NRXN2: variants seen among roughly 807,000 people sequenced by gnomAD.
NRXN2 encodes the protein neurexin 2.
In NRXN2, 29 loss-of-function variants were observed where a neutral mutation model predicts 128.8. The observed-to-expected ratio is 0.23, with a 90% CI of 0.17 to 0.31. The LOEUF is 0.31. Among genes scored for constraint, NRXN2 ranks in the 10% least tolerant of loss-of-function variants. The probability of loss-of-function intolerance (pLI) is 1.00; values close to 1 mark genes in which losing one functional copy is unlikely to be tolerated. For missense variants in NRXN2, 1,881 were observed against 2,452.6 expected (o/e 0.77, Z 4.92); for synonymous variants, 1,098 against 1,075.2 (o/e 1.02, Z -0.41).
chr11:64,713,329 G>A lies in NRXN2; in HGVS notation c.371C>T (p.Thr124Met), dbSNP rs776121419. 14 of 1,373,848 alleles carry A rather than the reference G, an allele frequency of 1.0e-5. No homozygotes were observed. In the Admixed American group the frequency reaches 2.6e-4, roughly 25 times the overall value. 85.1% of individuals were successfully genotyped at this position (1,373,848 alleles called of 1,614,324 possible). Residue 124 changes from threonine (T) to methionine (M), a missense_variant, in exon 2 of 23, where the codon ACG (threonine) becomes ATG (methionine). Thr to Met is a moderately conservative substitution (Grantham distance 81, BLOSUM62 -1). Transcript: ENST00000265459. ...MVLLTRDARR[T>M]ALAVDGEARA... ...GGCCTCGCCGTCCACCGCCAGCGCC[G>A]TGCGGCGCGCGTCGCGGGTCAGCAG... is the stretch of plus-strand genomic sequence containing the variant.
chr11:64,703,586 ACAAC>A (rs1221882633), intron 2 of NRXN2, among the ~76,000 whole-genome samples: 4 of 152,182 alleles, frequency 2.6e-5, no homozygotes, highest in African/African-American at 2.4e-5. Context: ...ACCATAAAAC[ACAAC>A]CAACTTTGTC....
At chr11:64,718,804 C>T (rs1320152536) in intron 1 of NRXN2, among the ~76,000 whole-genome samples, 1 of 152,162 alleles carries the variant, frequency 6.6e-6, no homozygotes, top group Non-Finnish European at 1.5e-5. Flanking sequence ...TCCTACCTCC[C>T]CCTTCCTTCC....
chr11:64,667,188 G>A lies in NRXN2; in HGVS notation c.1798+62C>T. The A allele has an allele frequency of 6.5e-7, 1 of 1,530,484 alleles. No homozygotes were observed. The highest frequency in any genetic ancestry group is 9.0e-7 in the Non-Finnish European group (1 of 1,106,446). 94.8% of individuals were successfully genotyped at this position (1,530,484 alleles called of 1,614,324 possible). ...AGACCCGCTGAAGAGAGACGGAGAG[G>A]ATGTCAGGGCAGATGGAAAGGGGTG... On this transcript the variant is annotated intron_variant, in intron 9 of 22. Coordinates refer to ENST00000265459, the MANE Select transcript of NRXN2 (RefSeq NM_015080.4). The surrounding 1 kb of genome is among the most constrained non-coding windows in gnomAD (Gnocchi z 5.6).
intron 22 of NRXN2, 65 bp from the exon 23 acceptor site, chr11:64,608,147 A>C: frequency 8.1e-7 from 1 of 1,229,694 alleles, no homozygotes; most frequent in Non-Finnish European, 1.2e-6. Flanking sequence ...GGCGGCCGGC[A>C]CAGAGAGAGA....
In NRXN2 at chr11:64,635,329, G is replaced by A; in HGVS notation, c.3527C>T (p.Ala1176Val). 1 of 1,613,572 alleles carries A rather than the reference G, an allele frequency of 6.2e-7. No homozygotes were observed. The highest frequency in any genetic ancestry group is 8.5e-7 in the Non-Finnish European group (1 of 1,180,032). Residue 1176 changes from alanine (A) to valine (V), a missense_variant, in exon 18 of 23, where the codon GCT (alanine) becomes GTT (valine). Ala to Val is a moderately conservative substitution (Grantham distance 64). Around this residue, in one of 7 missense-constraint regions of NRXN2, gnomAD observed 390 missense variants for 599.6 expected, o/e 0.65. Coordinates refer to ENST00000265459, the MANE Select transcript of NRXN2 (RefSeq NM_015080.4). The surrounding 1 kb of genome is among the most constrained non-coding windows in gnomAD (Gnocchi z 4.8). ...AVGFSTHQRS[A>V]VLVRVDSASG... ...GGCGCTGTCCACCCGCACCAGCACAGCGCTCCGCTGGTGGGTGCTGAAGCC... is the reference window on the plus strand; with the variant it reads ...GGCGCTGTCCACCCGCACCAGCACAACGCTCCGCTGGTGGGTGCTGAAGCC...
At chr11:64,674,086 C>G (rs1021693673) in intron 7 of NRXN2, among the ~76,000 whole-genome samples, 3 of 151,824 alleles carry the variant, frequency 2.0e-5, no homozygotes, top group Non-Finnish European at 4.4e-5. Context: ...GCCATGTCAC[C>G]CAGGCTAGTC....
chr11:64,626,492 C>T lies in NRXN2; in HGVS notation c.3818G>A (p.Arg1273Gln). Residue 1273 changes from arginine (R) to glutamine (Q), a missense_variant, in exon 20 of 23, where the codon CGA (arginine) becomes CAA (glutamine). Coordinates refer to ENST00000265459, the MANE Select transcript of NRXN2 (RefSeq NM_015080.4). Reference protein sequence around the residue: ...ARQRIPYRLGRVVDEWLLDKG... With the variant: ...ARQRIPYRLGQVVDEWLLDKG... ...GTCGAGCAGCCACTCATCTACTACT[C>T]GACCAAGCCGGTAGGGGATTCTCTG... The T allele has an allele frequency of 6.2e-7, 1 of 1,613,992 alleles. No individual in the cohort carries two copies. The highest frequency in any genetic ancestry group is 8.5e-7 in the Non-Finnish European group (1 of 1,179,886).
intron 2 of NRXN2, among the ~76,000 whole-genome samples, chr11:64,702,336 AT>A (rs1403241066): frequency 2.0e-5 from 3 of 152,106 alleles, no homozygotes; most frequent in African/African-American, 7.2e-5. Context: ...CATGATGACA[AT>A]GGCGGTTTTG....
chr11:64,689,401 T>A (rs545928667), intron 5 of NRXN2, among the ~76,000 whole-genome samples: 10 of 151,852 alleles, frequency 6.6e-5, no homozygotes, highest in African/African-American at 2.4e-4. Context: ...CTGAAAAGAG[T>A]CTGCACTTTT....
Position 64,635,446 on chromosome 11 carries a change from G to A in NRXN2, c.3410C>T (p.Thr1137Ile), listed in dbSNP as rs150390440. 5 of 1,613,678 alleles carry A rather than the reference G, an allele frequency of 3.1e-6. No homozygotes were observed. The highest frequency in any genetic ancestry group is 1.3e-5 in the African/African-American group (1 of 74,920). Residue 1137 changes from threonine (T) to isoleucine (I), a missense_variant, in exon 18 of 23, where the codon ACC (threonine) becomes ATC (isoleucine). Thr to Ile is a moderately conservative substitution (Grantham distance 89). Transcript: ENST00000265459. The surrounding 1 kb of genome is among the most constrained non-coding windows in gnomAD (Gnocchi z 4.8). Reference protein sequence around the residue: ...YGGPVCNDPGTTYIFGKGGAL... With the variant: ...YGGPVCNDPGITYIFGKGGAL... ...TCCCCCCTTCCCAAAGATGTATGTG[G>A]TCCCGGCTGCAGAGAGAAGGAAAGG...
chr11:64,653,579 A>G, intron 12 of NRXN2, 117 bp downstream of exon 12: 1 of 1,040,780 alleles, frequency 9.6e-7, no homozygotes, highest in African/African-American at 1.6e-5. Context: ...TCAAGGCCCA[A>G]CCCCCATTCG....
chr11:64,607,132 G>A lies in NRXN2; in HGVS notation c.*64C>T. On this transcript the variant is annotated 3_prime_UTR_variant, in exon 23 of 23. Transcript: ENST00000265459. ...TCCCCAGGCCCCTGGCAGGGAGAGG[G>A]TGGCACCCTCCTCCCGGGCCCTCCC... The A allele has an allele frequency of 5.1e-6, 8 of 1,555,982 alleles. No homozygotes were observed. In the Middle Eastern group the frequency reaches 1.2e-3, roughly 229 times the overall value.
intron 7 of NRXN2, among the ~76,000 whole-genome samples, chr11:64,671,912 A>G (rs763589930): frequency 5.3e-5 from 8 of 151,984 alleles, no homozygotes; most frequent in Non-Finnish European, 1.0e-4. Flanking sequence ...ACCTGCGTAC[A>G]TACCACATCC....
intron 15 of NRXN2, among the ~76,000 whole-genome samples, chr11:64,650,117 C>T (rs190467906): frequency 6.2e-4 from 95 of 152,186 alleles, no homozygotes; most frequent in Middle Eastern, 3.4e-3. Flanking sequence ...TCACTCCAGC[C>T]CTCAACCAAC....
intron 6 of NRXN2, 97 bp from the exon 7 acceptor site, chr11:64,677,134 A>T: frequency 3.5e-6 from 3 of 865,176 alleles, no homozygotes. Flanking sequence ...AAAGAAAAAT[A>T]AAATGACCAA....
chr11:64,712,136 C>A (rs1280248135), intron 2 of NRXN2, among the ~76,000 whole-genome samples: 3 of 151,984 alleles, frequency 2.0e-5, no homozygotes, highest in African/African-American at 4.8e-5. Context: ...GTAGGCCCTG[C>A]CCACACTGGC....
intron 12 of NRXN2, among the ~76,000 whole-genome samples, 158 bp downstream of exon 12, chr11:64,653,538 C>A (rs138534543): frequency 2.1e-3 from 317 of 152,188 alleles, no homozygotes; most frequent in African/African-American, 7.0e-3. Flanking sequence ...ACCACCCAAC[C>A]TCACCCTCCT....
chr11:64,694,970 G>A (rs1004413079), intron 3 of NRXN2, among the ~76,000 whole-genome samples: 3 of 152,016 alleles, frequency 2.0e-5, no homozygotes, highest in Non-Finnish European at 2.9e-5. Flanking sequence ...CCAGCTCCTC[G>A]CCAGCCTCGT....
At chr11:64,608,353 G>C (rs1458144482) in intron 22 of NRXN2, among the ~76,000 whole-genome samples, 2 of 152,042 alleles carry the variant, frequency 1.3e-5, no homozygotes, top group Non-Finnish European at 2.9e-5. Flanking sequence ...AAAAGGAACA[G>C]AAAGGAAAGG....
Sources: gnomAD v4.1 joint callset for allele counts (sites outside exome capture counted in the v4.1 genomes callset) on GRCh38, gnomAD v4.1.1 for gene constraint, gnomAD v4.1.1 regional missense constraint, Gnocchi (gnomAD v3.1) non-coding constraint, MANE v1.5 for transcripts, NCBI Gene and HGNC (gene_info 2026-07-23, HGNC 2026-07-21) for gene names.